The following ZSWIM6 variants were observed in gnomAD, a reference collection of about 807,000 sequenced individuals.
ZSWIM6 encodes zinc finger SWIM-type containing 6.
In ZSWIM6, 9 loss-of-function variants were observed where a neutral mutation model predicts 113.2. The ratio of observed to expected loss-of-function variants is 0.08; its 90% CI spans 0.05 to 0.14. ZSWIM6 has a LOEUF of 0.14. Ranked by LOEUF, ZSWIM6 falls within the 10% of genes least tolerant of loss-of-function variation. ZSWIM6 has a pLI of 1.00. For missense variants in ZSWIM6, 1,162 were observed against 1,552.2 expected (o/e 0.75, Z 4.22); for synonymous variants, 611 against 606.5 (o/e 1.01, Z -0.11).
chr5:61,360,815 C>T (rs187991301), intron 1 of ZSWIM6, among the ~76,000 whole-genome samples: 41 of 152,216 alleles, frequency 2.7e-4, no homozygotes, highest in African/African-American at 9.4e-4. Context: ...TAACAGTAGC[C>T]ATTTATATGG....
chr5:61,430,209 G>A (rs544208482), intron 1 of ZSWIM6, among the ~76,000 whole-genome samples: 1 of 152,276 alleles, frequency 6.6e-6, no homozygotes, highest in Admixed American at 6.5e-5. Flanking sequence ...GGTGGCCTGA[G>A]GAGAGTAGCA....
At chr5:61,333,890 G>C (rs1440335165) in intron 1 of ZSWIM6, among the ~76,000 whole-genome samples, 2 of 152,070 alleles carry the variant, frequency 1.3e-5, no homozygotes, top group Non-Finnish European at 2.9e-5. Flanking sequence ...CGGATTTGCC[G>C]CTCGCAGCCA....
chr5:61,443,131 A>G (rs193294210), intron 1 of ZSWIM6, among the ~76,000 whole-genome samples: 1 of 152,316 alleles, frequency 6.6e-6, no homozygotes, highest in African/African-American at 2.4e-5. Flanking sequence ...AGTCTTTGTC[A>G]TGAACTCCCC....
intron 1 of ZSWIM6, among the ~76,000 whole-genome samples, chr5:61,454,887 G>GTTT (rs11325786): frequency 7.2e-6 from 1 of 138,348 alleles, no homozygotes; most frequent in Non-Finnish European, 1.6e-5. Flanking sequence ...CCCAGTGAAG[G>GTTT]TTTTTTTTTT....
chr5:61,393,642 G>A (rs1745776673), intron 1 of ZSWIM6, among the ~76,000 whole-genome samples: 1 of 151,884 alleles, frequency 6.6e-6, no homozygotes, highest in Non-Finnish European at 1.5e-5. Flanking sequence ...GGATGCTGAG[G>A]CAGGAGAATC....
At chr5:61,333,071 C>T (rs1360819086) in intron 1 of ZSWIM6, 123 bp downstream of exon 1, 17 of 980,772 alleles carry the variant, frequency 1.7e-5, no homozygotes, top group South Asian at 4.5e-5. Context: ...CTGCGGGTGT[C>T]CTCACTGGCC....
intron 8 of ZSWIM6, among the ~76,000 whole-genome samples, chr5:61,530,810 C>G (rs749867852): frequency 1.3e-5 from 2 of 152,188 alleles, no homozygotes; most frequent in Non-Finnish European, 2.9e-5. Context: ...GAGCTCAAGT[C>G]TTGCCCCTTC....
At chr5:61,457,518 T>C (rs1747227334) in intron 1 of ZSWIM6, among the ~76,000 whole-genome samples, 1 of 151,896 alleles carries the variant, frequency 6.6e-6, no homozygotes, top group South Asian at 2.1e-4. Context: ...CCCTCTATCT[T>C]TTTTTTTATT....
chr5:61,537,941 T>C (rs577728461), intron 10 of ZSWIM6, among the ~76,000 whole-genome samples: 1 of 152,346 alleles, frequency 6.6e-6, no homozygotes, highest in Middle Eastern at 3.4e-3. Flanking sequence ...CAGCATATTC[T>C]TTTTTTATTT....
chr5:61,407,681 T>A (rs894777359), intron 1 of ZSWIM6, among the ~76,000 whole-genome samples: 7 of 152,190 alleles, frequency 4.6e-5, no homozygotes, highest in Non-Finnish European at 1.0e-4. Flanking sequence ...AAGGTGATGA[T>A]TTAACAGTTC....
At chr5:61,530,463 G>A (rs569955105) in intron 8 of ZSWIM6, among the ~76,000 whole-genome samples, 69 of 152,228 alleles carry the variant, frequency 4.5e-4, no homozygotes, top group African/African-American at 1.6e-3. Context: ...CTGTATCTAC[G>A]AATTTATCCA....
chr5:61,334,161 C>G (rs1345129780), intron 1 of ZSWIM6, among the ~76,000 whole-genome samples: 1 of 152,250 alleles, frequency 6.6e-6, no homozygotes, highest in African/African-American at 2.4e-5. Context: ...CTTCCTTTCT[C>G]TGACAGATCC....
At chr5:61,333,626 A>C (rs1744318096) in intron 1 of ZSWIM6, among the ~76,000 whole-genome samples, 1 of 150,646 alleles carries the variant, frequency 6.6e-6, no homozygotes, top group East Asian at 2.0e-4. Context: ...GCGCCTCCTC[A>C]GTCTCCAAGC....
At chr5:61,390,576 A>C in intron 1 of ZSWIM6, 1 of 567,798 alleles carries the variant, frequency 1.8e-6, no homozygotes, top group Non-Finnish European at 3.2e-6. Context: ...GTGAATGAGC[A>C]TTGTCAGAAT....
intron 4 of ZSWIM6, among the ~76,000 whole-genome samples, chr5:61,513,903 A>G (rs1044956206): frequency 6.6e-6 from 1 of 152,050 alleles, no homozygotes; most frequent in Non-Finnish European, 1.5e-5. Flanking sequence ...TCCTTCTTAC[A>G]ACTTTGCCCT....
chr5:61,434,160 ATATG>A (rs935527936), intron 1 of ZSWIM6, among the ~76,000 whole-genome samples: 4 of 147,430 alleles, frequency 2.7e-5, no homozygotes, highest in African/African-American at 9.8e-5. Flanking sequence ...ATATATAAAT[ATATG>A]TATTATATAT....
At chr5:61,337,284 C>T (rs955907444) in intron 1 of ZSWIM6, among the ~76,000 whole-genome samples, 4 of 147,280 alleles carry the variant, frequency 2.7e-5, no homozygotes, top group East Asian at 1.9e-4. Flanking sequence ...GTCTCCCCCC[C>T]CAAAAAAAAC....
intron 4 of ZSWIM6, among the ~76,000 whole-genome samples, chr5:61,505,601 ACCTTCCTTCCTTCCTT>A (rs1223688678): frequency 0.038 from 2,993 of 77,786 alleles, 145 homozygotes; most frequent in Admixed American, 0.08. Flanking sequence ...TCTATGATTT[ACCTTCCTTCCTTCCTT>A]CCTTCCTTCC....
chr5:61,510,809 C>G (rs986982146), intron 4 of ZSWIM6, among the ~76,000 whole-genome samples: 2 of 152,056 alleles, frequency 1.3e-5, no homozygotes, highest in Non-Finnish European at 2.9e-5. Context: ...GTGAAAGAAC[C>G]AGTAGTACCT....
Sources: allele counts gnomAD v4.1 joint callset (sites outside exome capture counted in the v4.1 genomes callset), GRCh38; gene constraint gnomAD v4.1.1; transcripts MANE v1.5; gene names NCBI Gene and HGNC (gene_info 2026-07-23, HGNC 2026-07-21).